The following LMO7 variants were observed in gnomAD, a reference collection of about 807,000 sequenced individuals.
LMO7 encodes the protein LIM domain only protein 7.
In LMO7, 120 loss-of-function variants were observed where a neutral mutation model predicts 206.5. The ratio of observed to expected loss-of-function variants is 0.58; its 90% confidence interval spans 0.50 to 0.68. The LOEUF (loss-of-function observed/expected upper bound fraction) is 0.68, where lower values mean the gene tolerates loss of function less well. Among genes scored for constraint, LMO7 ranks in the 30% least tolerant of loss-of-function variants. The pLI is 0.00. For synonymous variants in LMO7, 706 were observed against 681.5 expected (o/e 1.04, Z -0.56); for missense variants, 1,959 against 1,957.9 (o/e 1.00, Z -0.01).
In LMO7 at chr13:75,713,180, A is replaced by G; in HGVS notation, c.70-2A>G. On this transcript the variant is annotated splice_acceptor_variant, in intron 1 of 30. Coordinates refer to ENST00000377534, the MANE Select transcript of LMO7 (RefSeq NM_001306080.2). LOFTEE classifies it high-confidence loss of function. ...AAATTAACAACCAAACCTATCTTTC[A>G]GGCAGTAACAGAGAAGAATTTTGAA... 1 of 1,610,944 alleles carries G rather than the reference A, an allele frequency of 6.2e-7. No individual in the cohort carries two copies. Among genetic ancestry groups the G allele is most frequent in the Non-Finnish European group, 8.5e-7 (1 of 1,178,116 alleles).
In LMO7 at chr13:75,626,577, T is replaced by TATATATA. The variant is rs71127564; in HGVS notation, c.225+3257_225+3258insATATATA. Among the ~76,000 whole-genome samples, 342 of 74,220 alleles carry TATATATA rather than the reference T, an allele frequency of 4.6e-3. 34 individuals carry two copies. Among genetic ancestry groups the TATATATA allele is most frequent in the African/African-American group, 9.5e-3 (218 of 22,870 alleles). The allele number at this position is 74,220 out of a possible 152,430, so 48.7% of individuals were successfully genotyped here. ...ATTGTCTACCCTCTTAACATATATA[T>TATATATA]TATATATATATATATAAATTTTTTT... is the stretch of plus-strand genomic sequence containing the variant. On this transcript the variant is annotated intron_variant, in intron 2 of 29. Transcript: ENST00000341547.
At chr13:75,754,556 G>A (rs1394529468) in intron 3 of LMO7, among the ~76,000 whole-genome samples, 1 of 152,038 alleles carries the variant, frequency 6.6e-6, no homozygotes, top group African/African-American at 2.4e-5. Context: ...GAAAGGAATG[G>A]GAGTGAGTGG....
chr13:75,659,198 C>A (rs2139234769), intron 1 of LMO7, among the ~76,000 whole-genome samples: 1 of 152,202 alleles, frequency 6.6e-6, no homozygotes, highest in Middle Eastern at 3.4e-3. Flanking sequence ...TTTAACAAAT[C>A]AATTTATAGG....
At chr13:75,773,213 T>G (rs2049973150) in intron 4 of LMO7, among the ~76,000 whole-genome samples, 1 of 152,112 alleles carries the variant, frequency 6.6e-6, no homozygotes, top group Non-Finnish European at 1.5e-5. Flanking sequence ...TCTTCGGGCC[T>G]ACATTCTGAT....
chr13:75,814,361 T>G (rs2056766723), intron 11 of LMO7, among the ~76,000 whole-genome samples: 1 of 152,114 alleles, frequency 6.6e-6, no homozygotes, highest in Non-Finnish European at 1.5e-5. Flanking sequence ...ACGTGACTTG[T>G]GAGGAAGAGA....
intron 1 of LMO7, among the ~76,000 whole-genome samples, chr13:75,688,044 T>A (rs779881079): frequency 6.6e-6 from 1 of 152,202 alleles, no homozygotes; most frequent in African/African-American, 2.4e-5. Flanking sequence ...TTCTCTTGCC[T>A]GCCGCCACGT....
In LMO7 at chr13:75,858,706, T is replaced by C. The variant is rs963715074; in HGVS notation, c.*763T>C. The C allele has an allele frequency of 6.6e-6, 1 of 152,666 alleles. No individual in the cohort carries two copies. Among genetic ancestry groups the C allele is most frequent in the Non-Finnish European group, 1.5e-5 (1 of 68,034 alleles). 9.5% of individuals were successfully genotyped at this position (152,666 alleles called of 1,614,324 possible). ...GTGGGTCGTCTTTTTCTTAGGTGTA[T>C]GTGTCTGACCTCAGGCCTTTTAGCC... On this transcript the variant is annotated 3_prime_UTR_variant, in exon 31 of 31. Transcript: ENST00000377534.
intron 7 of LMO7, among the ~76,000 whole-genome samples, chr13:75,801,799 T>C (rs976468469): frequency 5.3e-5 from 8 of 152,244 alleles, no homozygotes; most frequent in Non-Finnish European, 8.8e-5. Context: ...TTTGGAATAT[T>C]ACTTTTCTAT....
At chr13:75,736,776 A>T (rs1185158924) in intron 3 of LMO7, among the ~76,000 whole-genome samples, 1 of 152,222 alleles carries the variant, frequency 6.6e-6, no homozygotes, top group African/African-American at 2.4e-5. Flanking sequence ...TTCCTTGAGG[A>T]GGAGGATGTT....
intron 27 of LMO7, 88 bp from the exon 28 acceptor site, chr13:75,853,004 A>G (rs1405270627): frequency 3.6e-6 from 4 of 1,109,420 alleles, no homozygotes; most frequent in Non-Finnish European, 3.8e-6. Flanking sequence ...AAATATAAAA[A>G]TGGATTTTTA....
At chr13:75,801,538 C>A (rs2054731327) in intron 7 of LMO7, among the ~76,000 whole-genome samples, 1 of 152,164 alleles carries the variant, frequency 6.6e-6, no homozygotes, top group Non-Finnish European at 1.5e-5. Context: ...CGGGAAGGAA[C>A]CTTCTTTCAA....
At chr13:75,751,317 G>A (rs2047258795) in intron 3 of LMO7, among the ~76,000 whole-genome samples, 1 of 151,588 alleles carries the variant, frequency 6.6e-6, no homozygotes, top group African/African-American at 2.4e-5. Context: ...CCTGCCACCA[G>A]GCCTGGCTAA....
chr13:75,761,117 A>G lies in LMO7; in HGVS notation c.317+79A>G, dbSNP rs182592115. 178 of 893,512 alleles carry G rather than the reference A, an allele frequency of 2.0e-4. No individual in the cohort carries two copies. The African/African-American group carries it at 2.8e-3, about 14-fold the overall frequency. The allele number at this position is 893,512 out of a possible 1,614,324, so 55.3% of individuals were successfully genotyped here. Reference sequence around the variant, plus strand: ...GTAGCTTAAGTGAAAAGAATTGCTGAGAGTTCATGATTACAGAAAAATTCT... The same window carrying G: ...GTAGCTTAAGTGAAAAGAATTGCTGGGAGTTCATGATTACAGAAAAATTCT... On this transcript the variant is annotated intron_variant, in intron 4 of 30. Transcript: ENST00000377534.
chr13:75,748,698 C>G (rs1437411975), intron 3 of LMO7, among the ~76,000 whole-genome samples: 1 of 152,006 alleles, frequency 6.6e-6, no homozygotes, highest in Non-Finnish European at 1.5e-5. Context: ...GGAAGGGGCT[C>G]TCATAGGAGG....
intron 4 of LMO7, among the ~76,000 whole-genome samples, chr13:75,775,158 C>CA (rs1413662953): frequency 2.0e-5 from 3 of 151,958 alleles, no homozygotes; most frequent in African/African-American, 7.2e-5. Flanking sequence ...ACTTTATCTG[C>CA]AAAAACTCAT....
chr13:75,716,078 T>C (rs956686437), intron 2 of LMO7, among the ~76,000 whole-genome samples: 1 of 152,226 alleles, frequency 6.6e-6, no homozygotes, highest in Non-Finnish European at 1.5e-5. Flanking sequence ...ATACAGGTTC[T>C]GCTTGTTGCC....
exon 1 of LMO7, chr13:75,621,527 G>T: frequency 2.6e-6 from 1 of 390,300 alleles, no homozygotes; most frequent in Non-Finnish European, 4.5e-6. Context: ...AAATCACCCT[G>T]AGCAATTATT....
intron 3 of LMO7, among the ~76,000 whole-genome samples, chr13:75,735,642 T>G (rs1447386680): frequency 3.3e-5 from 5 of 151,424 alleles, no homozygotes; most frequent in South Asian, 2.1e-4. Context: ...TTTTTTTTTT[T>G]TGTATTTTTT....
At position 75,703,374 on chromosome 13, in the gene LMO7, G is replaced by A. The variant is rs529188538; in HGVS notation, c.70-9808G>A. On this transcript the variant is annotated intron_variant, in intron 1 of 30. Coordinates refer to ENST00000377534, the MANE Select transcript of LMO7 (RefSeq NM_001306080.2). ...GACTGGAATGACTGGGGGAATAGGA[G>A]GTAAGTCACTAATTACAGTTTAGAG... Among the ~76,000 whole-genome samples the A allele has an allele frequency of 1.1e-4, 16 of 152,226 alleles. No individual in the cohort carries two copies. The East Asian group carries it at 1.9e-3, about 18-fold the overall frequency.
Sources: allele counts gnomAD v4.1 joint callset (sites outside exome capture counted in the v4.1 genomes callset), GRCh38; gene constraint gnomAD v4.1.1; transcripts MANE v1.5; gene names NCBI Gene and HGNC (gene_info 2026-07-23, HGNC 2026-07-21).